Variants in GRM7 observed in about 807,000 individuals in gnomAD.
GRM7 encodes the protein metabotropic glutamate receptor 7.
GRM7 carries 35 observed loss-of-function variants against 84.5 expected under a neutral mutation model. That is an observed-to-expected ratio of 0.41 (90% CI 0.32 to 0.55). GRM7 has a LOEUF of 0.55. GRM7 is among the 20% of genes least tolerant of loss of function. The pLI is 0.19. For synonymous variants in GRM7, 487 were observed against 455.1 expected (o/e 1.07, Z -0.89); for missense variants, 1,003 against 1,194.6 (o/e 0.84, Z 2.36).
At chr3:6,929,619 G>C (rs1697428509) in intron 1 of GRM7, among the ~76,000 whole-genome samples, 2 of 152,194 alleles carry the variant, frequency 1.3e-5, no homozygotes, top group Middle Eastern at 6.8e-3. Flanking sequence ...ACAATTGTAA[G>C]ATAAAACTAG....
In GRM7 at chr3:6,861,325, A is replaced by C; in HGVS notation, c.-64A>C. The C allele has an allele frequency of 7.2e-7, 1 of 1,384,188 alleles. No individual in the cohort carries two copies. Among genetic ancestry groups the C allele is most frequent in the Non-Finnish European group, 9.4e-7 (1 of 1,062,932 alleles). 85.7% of individuals were successfully genotyped at this position (1,384,188 alleles called of 1,614,324 possible). A position where few individuals can be genotyped will look rare whatever the true frequency, so the allele number is the denominator to read the frequency against. On this transcript the variant is annotated 5_prime_UTR_variant, in exon 1 of 10. Coordinates refer to ENST00000357716, the MANE Select transcript of GRM7 (RefSeq NM_000844.4). This position sits in a 1 kb window ranked among gnomAD's most constrained non-coding sequence, Gnocchi z 6.4. ...GAGGAGCTCGCCCTGAAGGGCCCGG[A>C]CCTCGGCGAGCCCACCACCGTTCCC...
chr3:7,499,992 T>A (rs1385832222), intron 7 of GRM7, among the ~76,000 whole-genome samples: 1 of 152,084 alleles, frequency 6.6e-6, no homozygotes, highest in African/African-American at 2.4e-5. Flanking sequence ...GCCAGAATGG[T>A]CTCAATCTCC....
chr3:7,712,466 G>A (rs768170536), intron 9 of GRM7, among the ~76,000 whole-genome samples: 2 of 151,268 alleles, frequency 1.3e-5, no homozygotes, highest in Non-Finnish European at 2.9e-5. Flanking sequence ...CTTTTTTGTT[G>A]GATCCTTCCC....
intron 1 of GRM7, among the ~76,000 whole-genome samples, chr3:6,967,312 C>A (rs1158108688): frequency 6.6e-6 from 1 of 152,162 alleles, no homozygotes; most frequent in African/African-American, 2.4e-5. Flanking sequence ...CCCAGCTCAG[C>A]CTCCAGAGCA....
chr3:7,091,139 C>T (rs1698649050), intron 1 of GRM7, among the ~76,000 whole-genome samples: 1 of 148,722 alleles, frequency 6.7e-6, no homozygotes, highest in African/African-American at 2.5e-5. Flanking sequence ...TTTAGCTCTG[C>T]AGAAGAATAG....
chr3:7,621,086 A>G (rs1190240606), intron 8 of GRM7, among the ~76,000 whole-genome samples: 2 of 152,054 alleles, frequency 1.3e-5, no homozygotes, highest in Non-Finnish European at 2.9e-5. Flanking sequence ...ATTCATACCT[A>G]TTTTTATAGA....
intron 1 of GRM7, among the ~76,000 whole-genome samples, chr3:7,038,973 T>G (rs532364548): frequency 1.1e-4 from 16 of 152,286 alleles, no homozygotes; most frequent in African/African-American, 2.9e-4. Context: ...ATGCAAATTC[T>G]CAGGCTCCAT....
rs200340995 is a variant in GRM7 at position 7,695,429 on chromosome 3, AT to A, written c.2698+15143del. On this transcript the variant is annotated intron_variant, in intron 9 of 9. Transcript: ENST00000357716. ...AAGGCACTCAGCCGAGGAAGTCTAC[AT>A]TTTTTTTTAGCCCTGAAGTCCTCAA... 4.0e-5 allele frequency among the ~76,000 whole-genome samples: 6 copies of A among 151,334 alleles called. No homozygotes were observed. The East Asian group carries it at 7.7e-4, about 19-fold the overall frequency.
chr3:7,369,637 TC>T (rs1694052051), intron 4 of GRM7, among the ~76,000 whole-genome samples: 1 of 152,150 alleles, frequency 6.6e-6, no homozygotes, highest in Non-Finnish European at 1.5e-5. Context: ...CATAATTTTT[TC>T]TTGTAAGACT....
intron 7 of GRM7, among the ~76,000 whole-genome samples, chr3:7,532,206 C>T (rs923506568): frequency 4.6e-5 from 7 of 152,136 alleles, no homozygotes; most frequent in Non-Finnish European, 1.0e-4. Context: ...ACCAGCTCCT[C>T]TTTGTACCTC....
At chr3:6,947,251 T>G (rs1301487084) in intron 1 of GRM7, among the ~76,000 whole-genome samples, 1 of 152,204 alleles carries the variant, frequency 6.6e-6, no homozygotes, top group African/African-American at 2.4e-5. Context: ...TATTGAGAGT[T>G]TTTAGCATGA....
chr3:6,946,171 T>G (rs1226271588), intron 1 of GRM7, among the ~76,000 whole-genome samples: 1 of 152,206 alleles, frequency 6.6e-6, no homozygotes, highest in African/African-American at 2.4e-5. Flanking sequence ...TAGCTTTCCT[T>G]CTAGGGTTTT....
At chr3:7,060,269 G>T (rs892375179) in intron 1 of GRM7, among the ~76,000 whole-genome samples, 1 of 151,764 alleles carries the variant, frequency 6.6e-6, no homozygotes, top group African/African-American at 2.4e-5. Flanking sequence ...CATTCAGTTT[G>T]CTGTGGTTTG....
Position 7,555,614 on chromosome 3 carries a change from G to A in GRM7, c.1516-22808G>A, listed in dbSNP as rs920725929. On this transcript the variant is annotated intron_variant, in intron 7 of 9. Transcript: ENST00000357716. ...GGCAAATTAAAACATTGTTACAACT[G>A]CCTGAATTTTAGGATTTGGGTTTGG... Among the ~76,000 whole-genome samples the A allele has an allele frequency of 2.6e-5, 4 of 152,300 alleles. No individual in the cohort carries two copies. The East Asian group carries it at 7.7e-4, about 29-fold the overall frequency.
intron 8 of GRM7, among the ~76,000 whole-genome samples, chr3:7,645,752 T>C (rs116542822): frequency 0.015 from 2,233 of 152,074 alleles, 51 homozygotes; most frequent in African/African-American, 0.047. Context: ...AATAAGCTCT[T>C]GTGGACCTGT....
rs376509935 is a variant in GRM7 at position 7,485,003 on chromosome 3, A to T, written c.1515+23281A>T. ...TGCCCTATGGAGAGATCTGCATGGCAAGGAACTGAGGCACTTATTCCAATA... is the reference window on the plus strand; with the variant it reads ...TGCCCTATGGAGAGATCTGCATGGCTAGGAACTGAGGCACTTATTCCAATA... On this transcript the variant is annotated intron_variant, in intron 7 of 9. Coordinates refer to ENST00000357716, the MANE Select transcript of GRM7 (RefSeq NM_000844.4). Among the ~76,000 whole-genome samples the T allele has an allele frequency of 1.2e-4, 18 of 152,298 alleles. No individual in the cohort carries two copies. The East Asian group carries it at 1.9e-3, about 16-fold the overall frequency.
chr3:7,540,148 G>A (rs955863871), intron 7 of GRM7, among the ~76,000 whole-genome samples: 4 of 152,076 alleles, frequency 2.6e-5, no homozygotes, highest in Admixed American at 6.5e-5. Flanking sequence ...CACATTGAAC[G>A]GTTGCTTTAG....
chr3:7,568,401 G>A (rs1437386355), intron 7 of GRM7, among the ~76,000 whole-genome samples: 2 of 152,242 alleles, frequency 1.3e-5, no homozygotes, highest in Non-Finnish European at 2.9e-5. Context: ...GCAAGGAAGA[G>A]CAAGTGACGT....
chr3:7,694,319 C>T (rs1341020590), intron 9 of GRM7: 4 of 300,688 alleles, frequency 1.3e-5, no homozygotes, highest in Non-Finnish European at 1.5e-5. Flanking sequence ...GTTGTGATGG[C>T]GTCATCTCAA....
Sources: gnomAD v4.1 joint callset for allele counts (sites outside exome capture counted in the v4.1 genomes callset) on GRCh38, gnomAD v4.1.1 for gene constraint, Gnocchi (gnomAD v3.1) non-coding constraint, MANE v1.5 for transcripts, NCBI Gene and HGNC (gene_info 2026-07-23, HGNC 2026-07-21) for gene names.